SPDYA: variants seen among roughly 807,000 people sequenced by gnomAD.
SPDYA encodes the protein speedy/RINGO cell cycle regulator family member A.
A neutral mutation model predicts 36.7 loss-of-function variants in SPDYA; 11 were observed. The ratio of observed to expected loss-of-function variants is 0.30; its 90% CI spans 0.19 to 0.50. SPDYA has a LOEUF of 0.50. SPDYA is among the 20% of genes least tolerant of loss of function. The probability of loss-of-function intolerance (pLI) is 0.98; values close to 1 mark genes in which losing one functional copy is unlikely to be tolerated. For missense variants in SPDYA, 287 were observed against 370.9 expected (o/e 0.77, Z 1.86); for synonymous variants, 115 against 118.7 (o/e 0.97, Z 0.20).
chr2:28,815,114 T>A (rs1200590931), intron 2 of SPDYA, among the ~76,000 whole-genome samples: 2 of 151,930 alleles, frequency 1.3e-5, no homozygotes, highest in Non-Finnish European at 2.9e-5. Context: ...AGACCTCATC[T>A]CTACAAAAAT....
chr2:28,824,577 C>G (rs1250733859), intron 5 of SPDYA, among the ~76,000 whole-genome samples: 2 of 35,636 alleles, frequency 5.6e-5, no homozygotes, highest in East Asian at 6.2e-4. Context: ...GACAGAGTCT[C>G]TCTCTGTTGC....
chr2:28,824,443 T>TC (rs943988338), intron 5 of SPDYA, among the ~76,000 whole-genome samples: 1 of 119,258 alleles, frequency 8.4e-6, no homozygotes, highest in Non-Finnish European at 1.6e-5. Context: ...ACCACTATAC[T>TC]CCAGCCTGGG....
chr2:28,848,907 G>A (rs746628410), intron 7 of SPDYA, among the ~76,000 whole-genome samples: 17 of 152,028 alleles, frequency 1.1e-4, no homozygotes, highest in South Asian at 2.1e-4. Flanking sequence ...TTGGCTGGGC[G>A]TGGTGGCATG....
At chr2:28,849,539 G>A (rs1029493873) in intron 7 of SPDYA, among the ~76,000 whole-genome samples, 2 of 152,218 alleles carry the variant, frequency 1.3e-5, no homozygotes, top group Admixed American at 1.3e-4. Flanking sequence ...TGATCTGCCT[G>A]CCTTGGCCTC....
At chr2:28,829,416 G>T in intron 6 of SPDYA, 97 bp downstream of exon 6, 7 of 1,205,978 alleles carry the variant, frequency 5.8e-6, no homozygotes, top group Admixed American at 3.1e-5. Flanking sequence ...TGGTATTCTG[G>T]GTTTTTTTTT....
chr2:28,822,394 A>G lies in SPDYA; in HGVS notation c.364A>G (p.Asn122Asp). The change falls in exon 5 of 8, where the codon AAT (asparagine) becomes GAT (aspartate). Residue 122 changes from asparagine (N) to aspartate (D), a missense_variant. Physicochemically the swap from Asn to Asp is conservative, Grantham distance 23. Transcript: ENST00000334056. The part of the protein sequence containing the change: ...KFTISEHTRI[N>D]FFIALYLANT... ...TACTATAAGTGAGCATACCAGGATA[A>G]ATTTCTTTATTGCTCTGTAAGTATA... is the stretch of plus-strand genomic sequence containing the variant. 1.3e-6 allele frequency: 2 copies of G among 1,554,116 alleles called. No individual in the cohort carries two copies. Among genetic ancestry groups the G allele is most frequent in the African/African-American group, 1.4e-5 (1 of 73,030 alleles).
In SPDYA at chr2:28,834,596, T is replaced by A. The variant is rs186154250; in HGVS notation, c.552+5277T>A. ...AACGCAGATAACCTTGAAAAGATTA[T>A]GCTACATAAAAGAAGCCTGTCACAA... On this transcript the variant is annotated intron_variant, in intron 6 of 7. Transcript: ENST00000334056. Among the ~76,000 whole-genome samples the A allele has an allele frequency of 3.3e-5, 5 of 152,340 alleles. No individual in the cohort carries two copies. In the East Asian group the frequency reaches 9.6e-4, roughly 29 times the overall value.
At chr2:28,821,485 GC>G (rs1668167265) in intron 4 of SPDYA, among the ~76,000 whole-genome samples, 1 of 152,158 alleles carries the variant, frequency 6.6e-6, no homozygotes, top group Non-Finnish European at 1.5e-5. Flanking sequence ...ACAGGTGTGA[GC>G]CACTGCGCCC....
chr2:28,835,316 C>T (rs570880710), intron 6 of SPDYA, among the ~76,000 whole-genome samples: 17 of 152,116 alleles, frequency 1.1e-4, no homozygotes, highest in Middle Eastern at 3.4e-3. Context: ...ACCTCCACCT[C>T]CTGGGTTCAA....
intron 1 of SPDYA, among the ~76,000 whole-genome samples, chr2:28,813,050 A>G (rs1277399717): frequency 6.6e-6 from 1 of 152,098 alleles, no homozygotes; most frequent in Non-Finnish European, 1.5e-5. Context: ...GCAAAATTAA[A>G]AGATACCCTT....
rs1285848306 is a variant in SPDYA at position 28,816,002 on chromosome 2, T to C, written c.-13T>C. 3 of 1,596,408 alleles carry C rather than the reference T, an allele frequency of 1.9e-6. No homozygotes were observed. Among genetic ancestry groups the C allele is most frequent in the Non-Finnish European group, 1.7e-6 (2 of 1,170,884 alleles). ...TGTATGTTTTATTTTTACAGGAATA[T>C]TGGGAAACCAAAATGAGGCACAATC... On this transcript the variant is annotated 5_prime_UTR_variant, in exon 3 of 8. Transcript: ENST00000334056.
intron 6 of SPDYA, among the ~76,000 whole-genome samples, chr2:28,835,046 T>A (rs1173022054): frequency 6.6e-6 from 1 of 152,080 alleles, no homozygotes; most frequent in Non-Finnish European, 1.5e-5. Context: ...GTCTTTATTT[T>A]GCATTTGTTT....
chr2:28,843,400 A>G (rs1668793735), intron 7 of SPDYA, among the ~76,000 whole-genome samples: 1 of 151,988 alleles, frequency 6.6e-6, no homozygotes. Flanking sequence ...AAATACAAAA[A>G]TTAGCTGGGT....
chr2:28,825,966 A>G (rs966520105), intron 5 of SPDYA, among the ~76,000 whole-genome samples: 1 of 151,936 alleles, frequency 6.6e-6, no homozygotes, highest in African/African-American at 2.4e-5. Context: ...ACTGGTCTCA[A>G]ACTCCTGACT....
At chr2:28,833,778 T>C (rs1215021015) in intron 6 of SPDYA, among the ~76,000 whole-genome samples, 3 of 152,042 alleles carry the variant, frequency 2.0e-5, no homozygotes, top group Admixed American at 1.3e-4. Flanking sequence ...GAAGAAAACA[T>C]AGGGGTAAGT....
At chr2:28,815,848 A>G in intron 2 of SPDYA, 149 bp from the exon 3 acceptor site, 1 of 549,918 alleles carries the variant, frequency 1.8e-6, no homozygotes, top group Non-Finnish European at 3.1e-6. Context: ...TTCAAAAGCA[A>G]TTTTTAATGG....
chr2:28,849,558 G>A (rs1009007000), intron 7 of SPDYA, among the ~76,000 whole-genome samples: 19 of 152,172 alleles, frequency 1.2e-4, no homozygotes, highest in South Asian at 4.1e-4. Context: ...TCCCAAAGGC[G>A]TGAGCCACTG....
At chr2:28,819,848 AAATATATATATATATATATATAT>A (rs1182670913) in intron 4 of SPDYA, among the ~76,000 whole-genome samples, 29 of 18,518 alleles carry the variant, frequency 1.6e-3, no homozygotes, top group South Asian at 7.2e-3. Flanking sequence ...AAAAAAAAAA[AAATATATATATATATATATATAT>A]ATATATATAT....
chr2:28,810,857 C>G lies in SPDYA; in HGVS notation c.-183C>G, dbSNP rs1667820770. ...GCGGGTACCGCTGCTGGCTAGCGAC[C>G]GACGAGCAACCGTCTGAGGCCAGGA... On this transcript the variant is annotated 5_prime_UTR_variant, in exon 1 of 8. Transcript: ENST00000334056. The G allele has an allele frequency of 2.0e-5, 3 of 152,200 alleles. No individual in the cohort carries two copies. Among genetic ancestry groups the G allele is most frequent in the Admixed American group, 2.0e-4 (3 of 15,284 alleles). The allele number at this position is 152,200 out of a possible 1,614,324, so 9.4% of individuals were successfully genotyped here.
Sources: allele counts gnomAD v4.1 joint callset (sites outside exome capture counted in the v4.1 genomes callset), GRCh38; gene constraint gnomAD v4.1.1; transcripts MANE v1.5; gene names NCBI Gene and HGNC (gene_info 2026-07-23, HGNC 2026-07-21).